Variants in SCTR observed in about 807,000 individuals in gnomAD.
The protein encoded by SCTR is pancreatic secretin receptor.
A neutral mutation model predicts 60.8 loss-of-function variants in SCTR; 56 were observed. The ratio of observed to expected loss-of-function variants is 0.92; its 90% CI spans 0.74 to 1.15. SCTR has a LOEUF of 1.15. SCTR is among the 50% of genes most tolerant of loss of function. SCTR has a pLI of 0.00. For synonymous variants in SCTR, 202 were observed against 217.0 expected, an observed-to-expected ratio of 0.93 and a Z score of 0.61; for missense variants, 562 against 550.4, an observed-to-expected ratio of 1.02 and a Z score of -0.21.
At chr2:119,523,679 A>G (rs112562512) in intron 1 of SCTR, among the ~76,000 whole-genome samples, 2,333 of 151,970 alleles carry the variant, frequency 0.015, 66 homozygotes, top group African/African-American at 0.052. Flanking sequence ...GTGGGTTCCA[A>G]TCCTCTTTTT....
intron 1 of SCTR, among the ~76,000 whole-genome samples, chr2:119,506,727 C>T (rs1678752014): frequency 6.6e-6 from 1 of 152,160 alleles, no homozygotes; most frequent in Admixed American, 6.5e-5. Context: ...CCTCCTGCCT[C>T]AGCCTCTCAA....
At chr2:119,453,371 G>A (rs766384447) in intron 7 of SCTR, 24 bp from the exon 8 acceptor site, 9 of 1,595,676 alleles carry the variant, frequency 5.6e-6, no homozygotes, top group African/African-American at 1.3e-5. Context: ...ACAAAGGGAG[G>A]GGCAGAAGAG....
intron 1 of SCTR, among the ~76,000 whole-genome samples, chr2:119,512,275 A>G (rs1212556411): frequency 6.7e-6 from 1 of 148,682 alleles, no homozygotes; most frequent in Admixed American, 6.7e-5. Flanking sequence ...CTATTCTACC[A>G]TTTTGTCTTC....
chr2:119,512,339 C>G (rs1678980049), intron 1 of SCTR, among the ~76,000 whole-genome samples: 3 of 41,950 alleles, frequency 7.2e-5, no homozygotes, highest in Non-Finnish European at 1.4e-4. Context: ...CCTTCCCCTT[C>G]CCCTTCTCCT....
intron 2 of SCTR, among the ~76,000 whole-genome samples, chr2:119,493,966 G>T (rs1195865503): frequency 6.6e-6 from 1 of 152,116 alleles, no homozygotes; most frequent in East Asian, 1.9e-4. Context: ...ATCAGAAAAT[G>T]GAGACTCAGA....
At chr2:119,451,157 G>A (rs1242567844) in intron 9 of SCTR, among the ~76,000 whole-genome samples, 1 of 152,132 alleles carries the variant, frequency 6.6e-6, no homozygotes, top group Admixed American at 6.5e-5. Flanking sequence ...AGGTGAGCCT[G>A]CACAGGACAC....
rs911415555 is a variant in SCTR at position 119,524,315 on chromosome 2, C to T, written c.-89G>A. ...GAGCTCAGCGCCCCGCGCAGGGTCCCGGGCTCCGGCCGGCCGCTGCGCCCC... is the reference window on the plus strand; with the variant it reads ...GAGCTCAGCGCCCCGCGCAGGGTCCTGGGCTCCGGCCGGCCGCTGCGCCCC... On this transcript the variant is annotated 5_prime_UTR_variant, in exon 1 of 13. Coordinates refer to ENST00000019103, the MANE Select transcript of SCTR (RefSeq NM_002980.3). The T allele has an allele frequency of 1.1e-6, 1 of 879,718 alleles. No homozygotes were observed. The highest frequency in any genetic ancestry group is 2.9e-5 in the South Asian group (1 of 34,694). The allele number at this position is 879,718 out of a possible 1,614,324, so 54.5% of individuals were successfully genotyped here. A position where few individuals can be genotyped will look rare whatever the true frequency, so the allele number is the denominator to read the frequency against.
chr2:119,448,603 C>T (rs1240817862), intron 10 of SCTR, 86 bp downstream of exon 10: 16 of 796,614 alleles, frequency 2.0e-5, no homozygotes, highest in Non-Finnish European at 3.1e-5. Context: ...CCTCCGTCTC[C>T]AATAGCTAGC....
chr2:119,473,674 C>G (rs1481682143), intron 3 of SCTR, 118 bp from the exon 4 acceptor site: 1 of 697,490 alleles, frequency 1.4e-6, no homozygotes, highest in East Asian at 2.7e-5. Flanking sequence ...AACTGAGGCA[C>G]ACAGCAGTTC....
chr2:119,463,985 T>C (rs1348061506), intron 6 of SCTR, 138 bp downstream of exon 6: 2 of 879,458 alleles, frequency 2.3e-6, no homozygotes, highest in East Asian at 2.4e-5. Context: ...GTGTCAGCAC[T>C]GGCTGCTTTA....
intron 2 of SCTR, chr2:119,479,272 A>G: frequency 2.0e-6 from 2 of 1,023,190 alleles, no homozygotes; most frequent in Non-Finnish European, 2.3e-6. Flanking sequence ...GCATTAAACA[A>G]CTAAGCAGCA....
chr2:119,513,148 G>A (rs1010582952), intron 1 of SCTR, among the ~76,000 whole-genome samples: 3 of 152,212 alleles, frequency 2.0e-5, no homozygotes, highest in African/African-American at 7.2e-5. Flanking sequence ...GGTGCCACAG[G>A]ATGACTTGAC....
chr2:119,512,841 G>C (rs1679000002), intron 1 of SCTR, among the ~76,000 whole-genome samples: 2 of 152,136 alleles, frequency 1.3e-5, no homozygotes, highest in South Asian at 4.1e-4. Context: ...TAGTTTTGTG[G>C]CTCAGGCATC....
intron 1 of SCTR, among the ~76,000 whole-genome samples, chr2:119,520,747 C>T (rs1417369436): frequency 1.3e-5 from 2 of 152,290 alleles, no homozygotes; most frequent in East Asian, 3.9e-4. Flanking sequence ...CACAGAAGTC[C>T]TTTGTCCAGT....
intron 2 of SCTR, chr2:119,486,265 G>C (rs1677863092): frequency 6.6e-6 from 1 of 152,054 alleles, no homozygotes; most frequent in Non-Finnish European, 1.5e-5. Context: ...ATCAGACACT[G>C]AATGAAGTCT....
chr2:119,522,696 G>T (rs1043654202), intron 1 of SCTR, among the ~76,000 whole-genome samples: 3 of 152,220 alleles, frequency 2.0e-5, no homozygotes, highest in African/African-American at 7.2e-5. Context: ...CAGTCTCAGA[G>T]TCACTGCAAA....
At chr2:119,480,669 C>G (rs1677558630) in intron 2 of SCTR, 1 of 152,142 alleles carries the variant, frequency 6.6e-6, no homozygotes, top group African/African-American at 2.4e-5. Context: ...TTTAAGACAT[C>G]ATTTCACATA....
chr2:119,501,875 T>C (rs1294988035), intron 1 of SCTR, among the ~76,000 whole-genome samples: 2 of 152,144 alleles, frequency 1.3e-5, no homozygotes, highest in African/African-American at 4.8e-5. Context: ...CTAAAAAGTA[T>C]ATTCAGGAAG....
intron 4 of SCTR, among the ~76,000 whole-genome samples, chr2:119,472,326 T>G (rs1220480262): frequency 6.6e-6 from 1 of 151,954 alleles, no homozygotes; most frequent in African/African-American, 2.4e-5. Context: ...TATATAAGAA[T>G]CAGTCAAGAA....
Sources: allele counts gnomAD v4.1 joint callset (sites outside exome capture counted in the v4.1 genomes callset), GRCh38; gene constraint gnomAD v4.1.1; transcripts MANE v1.5; gene names NCBI Gene and HGNC (gene_info 2026-07-23, HGNC 2026-07-21).